The following PHF20L1 variants were observed in gnomAD, a reference collection of about 807,000 sequenced individuals.
PHF20L1 encodes PHD finger protein 20 like 1.
PHF20L1 carries 44 observed loss-of-function variants against 125.5 expected under a neutral mutation model. The ratio of observed to expected loss-of-function variants is 0.35; its 90% confidence interval spans 0.28 to 0.45. The LOEUF (loss-of-function observed/expected upper bound fraction) is 0.45. Among genes scored for constraint, PHF20L1 ranks in the 20% least tolerant of loss-of-function variants. The pLI, the probability that PHF20L1 is intolerant of heterozygous loss-of-function variation, is 1.00. For synonymous variants in PHF20L1, 380 were observed against 403.1 expected (o/e 0.94, Z 0.69); for missense variants, 1,012 against 1,217.2 (o/e 0.83, Z 2.51).
At chr8:132,785,429 ATTTCT>A (rs571926327) in intron 2 of PHF20L1, among the ~76,000 whole-genome samples, 139 of 152,228 alleles carry the variant, frequency 9.1e-4, no homozygotes, top group Middle Eastern at 3.4e-3. Flanking sequence ...GTTTTAAGTG[ATTTCT>A]TTTAAGCTGA....
intron 2 of PHF20L1, among the ~76,000 whole-genome samples, chr8:132,786,719 C>T (rs1831075459): frequency 6.6e-6 from 1 of 152,082 alleles, no homozygotes; most frequent in Admixed American, 6.5e-5. Flanking sequence ...GCCTCCATGA[C>T]CTCCCTTTAA....
At chr8:132,823,378 C>T (rs1859380717) in intron 12 of PHF20L1, among the ~76,000 whole-genome samples, 1 of 151,926 alleles carries the variant, frequency 6.6e-6, no homozygotes, top group Admixed American at 6.6e-5. Flanking sequence ...AGATAGCATT[C>T]ATGTCATAAC....
chr8:132,798,894 G>A, intron 5 of PHF20L1, 34 bp downstream of exon 5: 1 of 1,409,094 alleles, frequency 7.1e-7, no homozygotes, highest in East Asian at 2.3e-5. Flanking sequence ...CTACCCAAAG[G>A]GTTATCTTCT....
intron 2 of PHF20L1, among the ~76,000 whole-genome samples, chr8:132,784,298 G>A (rs1326682570): frequency 6.6e-6 from 1 of 152,020 alleles, no homozygotes; most frequent in African/African-American, 2.4e-5. Context: ...AAAAACAAAA[G>A]TATTGGAAAA....
intron 6 of PHF20L1, chr8:132,799,675 T>C (rs1219294626): frequency 6.6e-6 from 1 of 152,028 alleles, no homozygotes; most frequent in African/African-American, 2.4e-5. Flanking sequence ...CGGTGAAAAC[T>C]GTCATTCTGA....
chr8:132,793,997 T>C (rs1261953875), intron 2 of PHF20L1, among the ~76,000 whole-genome samples: 1 of 152,192 alleles, frequency 6.6e-6, no homozygotes, highest in East Asian at 1.9e-4. Context: ...TATATCATTG[T>C]TTGTGTAGCT....
Position 132,775,388 on chromosome 8 carries a change from A to T in PHF20L1, c.-295A>T, listed in dbSNP as rs927210869. On this transcript the variant is annotated 5_prime_UTR_variant, in exon 1 of 21. Coordinates refer to ENST00000395386, the MANE Select transcript of PHF20L1 (RefSeq NM_016018.5). The stretch of plus-strand genomic sequence containing the variant: ...CGTCGCCGGGGCCCGGCGTCGCGTC[A>T]GGGCTGGCCGGCGGCGGAGGCGGCG... 6 of 375,212 alleles carry T rather than the reference A, an allele frequency of 1.6e-5. No individual in the cohort carries two copies. The highest frequency in any genetic ancestry group is 2.8e-5 in the Non-Finnish European group (6 of 213,128). 23.2% of individuals were successfully genotyped at this position (375,212 alleles called of 1,614,324 possible). A position where few individuals can be genotyped will look rare whatever the true frequency, so the allele number is the denominator to read the frequency against.
At chr8:132,835,075 C>T (rs1479356680) in intron 15 of PHF20L1, among the ~76,000 whole-genome samples, 1 of 152,082 alleles carries the variant, frequency 6.6e-6, no homozygotes, top group African/African-American at 2.4e-5. Context: ...ATCTGTTCAA[C>T]TTCGGTCCCA....
intron 2 of PHF20L1, among the ~76,000 whole-genome samples, chr8:132,785,630 A>G (rs1830928254): frequency 6.6e-6 from 1 of 152,146 alleles, no homozygotes; most frequent in Non-Finnish European, 1.5e-5. Flanking sequence ...ATTTCTTGCT[A>G]CAGATGGTTA....
At position 132,842,567 on chromosome 8, in the gene PHF20L1, G is replaced by A; in HGVS notation, c.2440G>A (p.Asp814Asn). The change falls in exon 19 of 21, where the codon GAC becomes AAC. Residue 814 changes from aspartate to asparagine, a missense_variant. Transcript: ENST00000395386. ...HLWACSGKRKDQDQIIAGVEK... is the reference protein window; with the variant it reads ...HLWACSGKRKNQDQIIAGVEK... ...CTGGGCTTGTTCCGGGAAGCGAAAA[G>A]ACCAAGATCAAATAATAGCTGGGGT... is the stretch of plus-strand genomic sequence containing the variant. The A allele has an allele frequency of 6.2e-7, 1 of 1,611,884 alleles. No individual in the cohort carries two copies. The highest frequency in any genetic ancestry group is 8.5e-7 in the Non-Finnish European group (1 of 1,179,244).
chr8:132,824,061 G>C lies in PHF20L1; in HGVS notation c.1636+1G>C. 1.3e-6 allele frequency: 2 copies of C among 1,581,908 alleles called. No individual in the cohort carries two copies. The highest frequency in any genetic ancestry group is 2.2e-5 in the South Asian group (2 of 89,922). ...GAAGACAAAAGCTCAACAGCATTTG[G>C]TATGAACAGAAAGTAATCTTTAAGC... On this transcript the variant is annotated splice_donor_variant, in intron 13 of 20. Coordinates refer to ENST00000395386, the MANE Select transcript of PHF20L1 (RefSeq NM_016018.5). LOFTEE classifies it high-confidence loss of function.
chr8:132,818,677 T>C (rs1835246760), intron 12 of PHF20L1: 1 of 151,924 alleles, frequency 6.6e-6, no homozygotes, highest in African/African-American at 2.4e-5. Flanking sequence ...CTATTGTCTT[T>C]TGACTCTTGG....
At chr8:132,812,665 A>G (rs1834531012) in intron 9 of PHF20L1, 1 of 985,032 alleles carries the variant, frequency 1.0e-6, no homozygotes, top group Non-Finnish European at 1.2e-6. Context: ...TGTTTTGTGA[A>G]CAAACACTTA....
rs1340780904 is a variant in PHF20L1 at position 132,800,920 on chromosome 8, A to G, written c.507+1748A>G. ...TAATGGTAGACATGTTATCAGCCCA[A>G]AATAAGATCCCCTCTTTTTCTCCCT... On this transcript the variant is annotated intron_variant, in intron 6 of 20. Coordinates refer to ENST00000395386, the MANE Select transcript of PHF20L1 (RefSeq NM_016018.5). 2.0e-5 allele frequency among the ~76,000 whole-genome samples: 3 copies of G among 151,510 alleles called. No individual in the cohort carries two copies. The East Asian group carries it at 5.8e-4, about 29-fold the overall frequency.
chr8:132,807,012 T>C (rs980404009), intron 8 of PHF20L1: 1 of 152,198 alleles, frequency 6.6e-6, no homozygotes. Flanking sequence ...ATAGAGAATG[T>C]TAAAAGGATG....
intron 2 of PHF20L1, among the ~76,000 whole-genome samples, chr8:132,791,252 TC>T (rs1406279205): frequency 6.8e-6 from 1 of 146,294 alleles, no homozygotes; most frequent in African/African-American, 2.6e-5. Context: ...AGGAGTTATT[TC>T]CTTTTTTTTT....
In PHF20L1 at chr8:132,793,027, G is replaced by A. The variant is rs564138942; in HGVS notation, c.84-1383G>A. On this transcript the variant is annotated intron_variant, in intron 2 of 20. Coordinates refer to ENST00000395386, the MANE Select transcript of PHF20L1 (RefSeq NM_016018.5). Reference sequence around the variant, plus strand: ...TTCCAAGAGATATAAATGTTCTTCAGCACCCAGTTTGAGTGAGAACCTGTG... The same window carrying A: ...TTCCAAGAGATATAAATGTTCTTCAACACCCAGTTTGAGTGAGAACCTGTG... 9.9e-5 allele frequency among the ~76,000 whole-genome samples: 14 copies of A among 141,656 alleles called. No homozygotes were observed. In the South Asian group the frequency reaches 2.0e-3, roughly 20 times the overall value. 92.9% of individuals were successfully genotyped at this position (141,656 alleles called of 152,430 possible).
At chr8:132,787,371 C>G (rs1831171133) in intron 2 of PHF20L1, among the ~76,000 whole-genome samples, 2 of 152,066 alleles carry the variant, frequency 1.3e-5, no homozygotes, top group Non-Finnish European at 2.9e-5. Flanking sequence ...ATAGCTAATT[C>G]TGTTCTTCTC....
In PHF20L1 at chr8:132,836,691, G is replaced by A; in HGVS notation, c.2061G>A (p.Glu687=). The A allele has an allele frequency of 6.2e-7, 1 of 1,612,836 alleles. No individual in the cohort carries two copies. The highest frequency in any genetic ancestry group is 8.5e-7 in the Non-Finnish European group (1 of 1,179,194). ...ALNEIVRCIC[E]MDEENGFMIQ... ...ATGAAATTGTGCGATGTATTTGTGA[G>A]ATGGATGAGGAGAATGGCTTCATGA... is the stretch of plus-strand genomic sequence containing the variant. Residue 687 remains glutamate, a synonymous_variant, in exon 16 of 21, where the codon GAG becomes GAA. Coordinates refer to ENST00000395386, the MANE Select transcript of PHF20L1 (RefSeq NM_016018.5).
Sources: allele counts gnomAD v4.1 joint callset (sites outside exome capture counted in the v4.1 genomes callset), GRCh38; gene constraint gnomAD v4.1.1; transcripts MANE v1.5; gene names NCBI Gene and HGNC (gene_info 2026-07-23, HGNC 2026-07-21).